TRMT11: variants seen among roughly 807,000 people sequenced by gnomAD.
TRMT11 encodes tRNA (guanine(10)-N(2))-methyltransferase TRMT11.
Under a neutral mutation model 62.8 loss-of-function variants are expected in TRMT11, and 53 were observed. That is an observed-to-expected ratio of 0.84 (90% CI 0.68 to 1.06). TRMT11 has a LOEUF of 1.06. Among genes scored for constraint, TRMT11 ranks in the 50% least tolerant of loss-of-function variants. TRMT11 has a pLI of 0.00. For missense variants in TRMT11, 556 were observed against 553.4 expected, an observed-to-expected ratio of 1.00 and a Z score of -0.05; for synonymous variants, 188 against 190.3, an observed-to-expected ratio of 0.99 and a Z score of 0.10.
At chr6:126,089,108 A>G (rs1478749932) in intron 17 of TRMT11, among the ~76,000 whole-genome samples, 1 of 151,160 alleles carries the variant, frequency 6.6e-6, no homozygotes, top group African/African-American at 2.4e-5. Context: ...AGCTCTTTAC[A>G]TGTAATCTTT....
chr6:126,186,940 AT>A (rs1278379539), intron 1 of TRMT11, among the ~76,000 whole-genome samples: 4 of 152,064 alleles, frequency 2.6e-5, no homozygotes, highest in Admixed American at 1.3e-4. Flanking sequence ...AATGATAAAA[AT>A]TTCTCTGTAA....
downstream of TRMT11, among the ~76,000 whole-genome samples, chr6:126,202,673 T>A (rs978529773): frequency 4.0e-5 from 6 of 150,410 alleles, no homozygotes; most frequent in Admixed American, 3.3e-4. Flanking sequence ...CTTTTCAAAT[T>A]AAAAAAAAAC....
intron 17 of TRMT11, among the ~76,000 whole-genome samples, chr6:126,064,106 A>G (rs1482722679): frequency 2.6e-5 from 4 of 151,922 alleles, no homozygotes; most frequent in Non-Finnish European, 5.9e-5. Context: ...AGGAGAAGTT[A>G]GGAGAATGGT....
chr6:126,176,896 G>A (rs1182842958), upstream of TRMT11, among the ~76,000 whole-genome samples: 1 of 151,984 alleles, frequency 6.6e-6, no homozygotes, highest in Non-Finnish European at 1.5e-5. Flanking sequence ...ATTATAACAT[G>A]AAAATGCGAT....
At chr6:126,137,245 G>A (rs1252095882) in intron 21 of TRMT11, among the ~76,000 whole-genome samples, 1 of 151,508 alleles carries the variant, frequency 6.6e-6, no homozygotes, top group Non-Finnish European at 1.5e-5. Flanking sequence ...ATCTGAAAAG[G>A]AATTAATAAC....
Position 126,011,256 on chromosome 6 carries a change from A to G in TRMT11, c.764A>G (p.Lys255Arg). ...IDYNTVHGLG[K>R]ATRKNQKWRG... ...CTTCCTTTTTCTTTCCCTTCAGGAAAGGCTACTAGGAAAAACCAGAAGTGG... is the reference window on the plus strand; with the variant it reads ...CTTCCTTTTTCTTTCCCTTCAGGAAGGGCTACTAGGAAAAACCAGAAGTGG... Residue 255 changes from lysine (K) to arginine (R), a missense_variant, in exon 9 of 13, where the codon AAG becomes AGG. By Grantham distance (26) the Lys-to-Arg change is conservative. Coordinates refer to ENST00000334379, the MANE Select transcript of TRMT11 (RefSeq NM_001031712.3). The G allele has an allele frequency of 1.2e-6, 2 of 1,608,954 alleles. No homozygotes were observed. Among genetic ancestry groups the G allele is most frequent in the Non-Finnish European group, 1.7e-6 (2 of 1,177,978 alleles).
chr6:126,185,881 C>T (rs1778521147), intron 1 of TRMT11, among the ~76,000 whole-genome samples: 2 of 152,054 alleles, frequency 1.3e-5, no homozygotes, highest in African/African-American at 4.8e-5. Flanking sequence ...ATAAAACCAT[C>T]AGATCTCATG....
At chr6:126,223,222 C>T in the TRMT11 span, among the ~76,000 whole-genome samples, 3,521 of 152,070 alleles carry the variant, frequency 0.023, 56 homozygotes, top group Non-Finnish European at 0.037. Context: ...GAGATTGATA[C>T]CATCTTGGCT....
chr6:126,030,719 A>G (rs1258571964), intron 12 of TRMT11, among the ~76,000 whole-genome samples: 2 of 152,210 alleles, frequency 1.3e-5, no homozygotes, highest in Non-Finnish European at 2.9e-5. Context: ...TCATTATATC[A>G]TTATCAGGAA....
chr6:126,241,429 C>T, the TRMT11 span, among the ~76,000 whole-genome samples: 1 of 152,156 alleles, frequency 6.6e-6, no homozygotes, highest in African/African-American at 2.4e-5. Flanking sequence ...AGGGAATTCT[C>T]CCTAACTCAT....
At chr6:126,142,548 A>G (rs578254935) in intron 21 of TRMT11, among the ~76,000 whole-genome samples, 3 of 152,266 alleles carry the variant, frequency 2.0e-5, no homozygotes, top group Admixed American at 6.5e-5. Context: ...AACCCAGGTT[A>G]GAATTTGAGC....
the TRMT11 span, among the ~76,000 whole-genome samples, chr6:126,240,619 A>C: frequency 6.6e-6 from 1 of 152,200 alleles, no homozygotes; most frequent in South Asian, 2.1e-4. Context: ...GTCTGCCCCT[A>C]CTGGGGGGTG....
At chr6:126,200,270 G>T (rs1778719539) in intron 3 of TRMT11, among the ~76,000 whole-genome samples, 2 of 152,220 alleles carry the variant, frequency 1.3e-5, no homozygotes, top group Non-Finnish European at 2.9e-5. Flanking sequence ...TTTGAGGATG[G>T]CTCCTGGAAG....
At chr6:126,117,335 A>G (rs1008812536) in intron 21 of TRMT11, among the ~76,000 whole-genome samples, 4 of 152,032 alleles carry the variant, frequency 2.6e-5, no homozygotes, top group Non-Finnish European at 5.9e-5. Context: ...TCTCTTTCTT[A>G]GTTCAAATAG....
chr6:126,155,988 A>T (rs1331275178), intron 21 of TRMT11, among the ~76,000 whole-genome samples: 2 of 152,108 alleles, frequency 1.3e-5, no homozygotes, highest in African/African-American at 4.8e-5. Flanking sequence ...AGCCTCCCAA[A>T]GTGCTGGGAT....
chr6:126,110,313 T>C (rs1777516498), intron 17 of TRMT11, among the ~76,000 whole-genome samples: 2 of 152,116 alleles, frequency 1.3e-5, no homozygotes, highest in Admixed American at 1.3e-4. Flanking sequence ...TCCATATCCT[T>C]CCCAGGAATA....
the TRMT11 span, among the ~76,000 whole-genome samples, chr6:126,266,274 C>T: frequency 1.6e-4 from 24 of 152,250 alleles, no homozygotes; most frequent in African/African-American, 4.6e-4. Flanking sequence ...TATATTTCTA[C>T]ATTACTTGGG....
At chr6:126,003,597 A>C (rs115018861) in intron 7 of TRMT11, among the ~76,000 whole-genome samples, 114 of 152,160 alleles carry the variant, frequency 7.5e-4, no homozygotes, top group Non-Finnish European at 1.4e-3. Flanking sequence ...ATGATATCTC[A>C]ATGTAGTGTT....
chr6:126,083,310 C>G (rs1333175187), intron 17 of TRMT11, among the ~76,000 whole-genome samples: 1 of 152,114 alleles, frequency 6.6e-6, no homozygotes, highest in African/African-American at 2.4e-5. Flanking sequence ...GTTCATTTCC[C>G]TGACCCCAAT....
Sources: allele counts gnomAD v4.1 joint callset (sites outside exome capture counted in the v4.1 genomes callset), GRCh38; gene constraint gnomAD v4.1.1; transcripts MANE v1.5; gene names NCBI Gene and HGNC (gene_info 2026-07-23, HGNC 2026-07-21).